Variants in TENM1 observed in about 807,000 individuals in gnomAD.
TENM1 encodes the protein teneurin-1.
Under a neutral mutation model 174.8 loss-of-function variants are expected in TENM1, and 35 were observed. That is an observed-to-expected ratio of 0.20 (90% CI 0.15 to 0.27). TENM1 has a LOEUF of 0.27. Ranked by LOEUF, TENM1 falls within the 10% of genes least tolerant of loss-of-function variation. TENM1 has a pLI of 1.00. For missense variants in TENM1, 1,633 were observed against 2,130.1 expected (o/e 0.77, Z 4.59); for synonymous variants, 781 against 798.7 (o/e 0.98, Z 0.37).
rs779598148 is a variant in TENM1 at position 124,807,822 on chromosome X, T to C, written c.536-70625A>G. On this transcript the variant is annotated intron_variant, in intron 3 of 31. Coordinates refer to ENST00000422452, the Ensembl canonical transcript of TENM1. ...GTACCCACACAGCAAAGACACACAG[T>C]AGATGCAAAAAAATACAAAGTAAGG... 4.7e-5 allele frequency among the ~76,000 whole-genome samples: 5 copies of C among 105,742 alleles called. No homozygotes were observed. In the East Asian group the frequency reaches 1.5e-3, roughly 31 times the overall value. The allele number at this position is 105,742 out of a possible 115,157, so 91.8% of individuals were successfully genotyped here. A position where few individuals can be genotyped will look rare whatever the true frequency, so the allele number is the denominator to read the frequency against.
intron 6 of TENM1, among the ~76,000 whole-genome samples, chrX:124,664,532 G>GAA (rs779501054): frequency 2.7e-4 from 8 of 29,261 alleles, no homozygotes; most frequent in Admixed American, 4.9e-4. Flanking sequence ...TAAAGCAAAA[G>GAA]AAAAAAAAAA....
the TENM1 span, among the ~76,000 whole-genome samples, chrX:125,195,146 A>C: frequency 8.9e-6 from 1 of 112,076 alleles, no homozygotes; most frequent in Non-Finnish European, 1.9e-5. Flanking sequence ...TATAACCAAA[A>C]GTATGTAAAC....
chrX:125,101,474 G>A, the TENM1 span, among the ~76,000 whole-genome samples: 15 of 111,851 alleles, frequency 1.3e-4, 1 homozygote, highest in East Asian at 3.9e-3. Flanking sequence ...TGACTTTTTT[G>A]AGGTCACCCC....
intron 3 of TENM1, among the ~76,000 whole-genome samples, chrX:124,825,322 T>TCA (rs1556355390): frequency 1.9e-5 from 2 of 106,113 alleles, no homozygotes; most frequent in Admixed American, 2.1e-4. Flanking sequence ...CCCAGTTATT[T>TCA]TATATATATA....
chrX:124,872,014 G>C (rs1164001723), intron 3 of TENM1, among the ~76,000 whole-genome samples: 2 of 92,264 alleles, frequency 2.2e-5, no homozygotes, highest in Non-Finnish European at 4.2e-5. Context: ...CCTGGCGACA[G>C]AGCGAGACTC....
At chrX:124,434,967 T>A (rs917353078) in intron 23 of TENM1, among the ~76,000 whole-genome samples, 3 of 112,079 alleles carry the variant, frequency 2.7e-5, no homozygotes, top group African/African-American at 9.7e-5. Context: ...AATTTAATTT[T>A]ACATGAATTC....
the TENM1 span, among the ~76,000 whole-genome samples, chrX:124,982,175 C>T: frequency 6.8e-5 from 4 of 58,420 alleles, 1 homozygote; most frequent in Admixed American, 1.7e-4. Context: ...TGTGCATCTA[C>T]GTGCTAACTT....
the TENM1 span, among the ~76,000 whole-genome samples, chrX:125,119,581 G>A: frequency 2.7e-5 from 3 of 110,141 alleles, no homozygotes; most frequent in Non-Finnish European, 5.7e-5. Context: ...CTTATTGGGG[G>A]TACTTTGACT....
At chrX:124,452,876 G>T (rs749952430) in intron 23 of TENM1, among the ~76,000 whole-genome samples, 1 of 69,396 alleles carries the variant, frequency 1.4e-5, no homozygotes, top group East Asian at 5.9e-4. Flanking sequence ...TGGGGGGAGG[G>T]GGGAGGGATA....
intron 11 of TENM1, among the ~76,000 whole-genome samples, chrX:124,630,858 A>G (rs2050739004): frequency 8.9e-6 from 1 of 112,212 alleles, no homozygotes; most frequent in Admixed American, 9.5e-5. Flanking sequence ...CTGAGACCTC[A>G]TGGCCACTAG....
At chrX:124,623,474 T>C (rs1024460029) in intron 11 of TENM1, among the ~76,000 whole-genome samples, 1 of 111,796 alleles carries the variant, frequency 8.9e-6, no homozygotes, top group East Asian at 2.8e-4. Context: ...TCAAATGTTA[T>C]TTGTACTTTT....
At chrX:124,691,451 C>T (rs1183751061) in intron 5 of TENM1, among the ~76,000 whole-genome samples, 4 of 112,095 alleles carry the variant, frequency 3.6e-5, no homozygotes, top group African/African-American at 1.3e-4. Context: ...CATTTCTAAC[C>T]TGTCAAACTG....
chrX:124,422,148 C>T, intron 24 of TENM1, 124 bp downstream of exon 27: 1 of 893,646 alleles, frequency 1.1e-6, no homozygotes. Context: ...TCGCTTTCTC[C>T]ACTAGCTCAT....
At chrX:124,497,641 A>G (rs1190301422) in intron 19 of TENM1, among the ~76,000 whole-genome samples, 2 of 111,582 alleles carry the variant, frequency 1.8e-5, no homozygotes, top group African/African-American at 6.5e-5. Flanking sequence ...TGCCTAGCAC[A>G]TACCCGTCTG....
chrX:124,438,802 A>G (rs1418182952), intron 23 of TENM1, among the ~76,000 whole-genome samples: 1 of 111,088 alleles, frequency 9.0e-6, no homozygotes, highest in Non-Finnish European at 1.9e-5. Flanking sequence ...AGCAATGGAA[A>G]TATCTCTGAT....
At chrX:124,569,196 T>TCAAACAAACAAA (rs199921399) in intron 11 of TENM1, among the ~76,000 whole-genome samples, 18,521 of 107,774 alleles carry the variant, frequency 0.17, 1,368 homozygotes, top group South Asian at 0.32. Flanking sequence ...AGGCCCTGTC[T>TCAAACAAACAAA]CAAACAAACA....
At chrX:124,628,212 T>C (rs2050681022) in intron 11 of TENM1, among the ~76,000 whole-genome samples, 1 of 111,233 alleles carries the variant, frequency 9.0e-6, no homozygotes, top group South Asian at 3.7e-4. Context: ...ACTTTGTCAA[T>C]AATTTCATAC....
intron 3 of TENM1, among the ~76,000 whole-genome samples, chrX:124,867,667 G>A (rs2057032276): frequency 1.8e-5 from 2 of 111,643 alleles, no homozygotes; most frequent in African/African-American, 3.3e-5. Flanking sequence ...TGATATAAAG[G>A]ACACCTAAAT....
At chrX:125,201,169 C>T in the TENM1 span, among the ~76,000 whole-genome samples, 1 of 111,859 alleles carries the variant, frequency 8.9e-6, no homozygotes, top group Non-Finnish European at 1.9e-5. Context: ...CAGCAAGAAT[C>T]TTTCTGGTAA....
Sources: allele counts gnomAD v4.1 joint callset (sites outside exome capture counted in the v4.1 genomes callset), GRCh38; gene constraint gnomAD v4.1.1; transcripts MANE v1.5; gene names NCBI Gene and HGNC (gene_info 2026-07-23, HGNC 2026-07-21).